The following WAPL variants were observed in gnomAD, a reference collection of about 807,000 sequenced individuals.
WAPL encodes the protein WAPL cohesin release factor.
In WAPL, 5 loss-of-function variants were observed where a neutral mutation model predicts 121.0. The ratio of observed to expected loss-of-function variants is 0.04; its 90% CI spans 0.02 to 0.09. The LOEUF (loss-of-function observed/expected upper bound fraction) is 0.09, where lower values mean the gene tolerates loss of function less well. Ranked by LOEUF, WAPL falls within the 10% of genes least tolerant of loss-of-function variation. The probability of loss-of-function intolerance (pLI) is 1.00; values close to 1 mark genes in which losing one functional copy is unlikely to be tolerated. For missense variants in WAPL, 999 were observed against 1,410.8 expected (o/e 0.71, Z 4.68); for synonymous variants, 480 against 481.5 (o/e 1.00, Z 0.04).
At chr10:86,476,739 G>A (rs1330800358) in intron 4 of WAPL, among the ~76,000 whole-genome samples, 1 of 150,832 alleles carries the variant, frequency 6.6e-6, no homozygotes, top group Non-Finnish European at 1.5e-5. Flanking sequence ...ATTATTAATT[G>A]TTATGTGATG....
chr10:86,487,390 T>C (rs1395353146), intron 4 of WAPL, among the ~76,000 whole-genome samples: 2 of 152,200 alleles, frequency 1.3e-5, no homozygotes, highest in African/African-American at 2.4e-5. Flanking sequence ...AATCCAGGTA[T>C]GTTTCAACCC....
chr10:86,472,168 A>C lies in WAPL; in HGVS notation c.2030+40T>G. The C allele has an allele frequency of 6.6e-7, 1 of 1,514,536 alleles. No homozygotes were observed. The highest frequency in any genetic ancestry group is 8.8e-7 in the Non-Finnish European group (1 of 1,138,184). 93.8% of individuals were successfully genotyped at this position (1,514,536 alleles called of 1,614,324 possible). ...ACACCTAGTTGAAAAAATTTAATAC[A>C]GCATGCACATAATTGTAAAATATAA... On this transcript the variant is annotated intron_variant, in intron 7 of 18. Coordinates refer to ENST00000298767, the MANE Select transcript of WAPL (RefSeq NM_015045.5). This position sits in a 1 kb window ranked among gnomAD's most constrained non-coding sequence, Gnocchi z 4.2.
At chr10:86,515,420 ACAGT>A (rs754383716) in intron 2 of WAPL, among the ~76,000 whole-genome samples, 125 of 152,108 alleles carry the variant, frequency 8.2e-4, no homozygotes, top group Non-Finnish European at 9.8e-4. Flanking sequence ...CTGACCTTGG[ACAGT>A]CATTTAACCT....
At chr10:86,503,644 C>A (rs144954273) in intron 2 of WAPL, among the ~76,000 whole-genome samples, 1,570 of 150,218 alleles carry the variant, frequency 0.01, 16 homozygotes, top group Non-Finnish European at 0.016. Context: ...TTCCAGCTAC[C>A]CGGGAGGCTG....
Position 86,500,349 on chromosome 10 carries a change from C to T in WAPL, c.894G>A (p.Arg298=). 1 of 1,614,158 alleles carries T rather than the reference C, an allele frequency of 6.2e-7. No homozygotes were observed. Among genetic ancestry groups the T allele is most frequent in the Non-Finnish European group, 8.5e-7 (1 of 1,180,032 alleles). The change falls in exon 3 of 19, where the codon AGG becomes AGA. Residue 298 remains arginine, a synonymous_variant. Transcript: ENST00000298767. ...CTTGGGAGGATTTCGTTTTATTGGC[C>T]CTACAGTACGTCCTACAGTTGGTTG... is the stretch of plus-strand genomic sequence containing the variant. ...LRPTNCRTYC[R]ANKTKSSQGA...
At chr10:86,476,349 A>C (rs1421621558) in intron 4 of WAPL, among the ~76,000 whole-genome samples, 1 of 151,874 alleles carries the variant, frequency 6.6e-6, no homozygotes, top group East Asian at 1.9e-4. Context: ...TGGGCGACAG[A>C]GCGAGACTCT....
chr10:86,505,826 T>A (rs1302524318), intron 2 of WAPL, among the ~76,000 whole-genome samples: 1 of 152,184 alleles, frequency 6.6e-6, no homozygotes, highest in Non-Finnish European at 1.5e-5. Flanking sequence ...TTGAAGAGCA[T>A]GTTCTTGTAT....
intron 17 of WAPL, among the ~76,000 whole-genome samples, chr10:86,438,499 G>A (rs772436775): frequency 1.2e-4 from 19 of 152,308 alleles, no homozygotes; most frequent in East Asian, 3.9e-4. Flanking sequence ...AGTAATCCAC[G>A]CACCTTGGCC....
chr10:86,451,672 C>T (rs1840983745), intron 15 of WAPL, among the ~76,000 whole-genome samples: 1 of 152,166 alleles, frequency 6.6e-6, no homozygotes, highest in Admixed American at 6.5e-5. Context: ...GGATTATAGG[C>T]GTGAGTCACT....
intron 1 of WAPL, among the ~76,000 whole-genome samples, chr10:86,518,667 T>C (rs971087712): frequency 6.6e-6 from 1 of 152,208 alleles, no homozygotes; most frequent in African/African-American, 2.4e-5. Flanking sequence ...AATGATAACC[T>C]GTATAGGGTA....
intron 12 of WAPL, among the ~76,000 whole-genome samples, chr10:86,454,120 C>T (rs1331742466): frequency 6.6e-6 from 1 of 152,148 alleles, no homozygotes; most frequent in African/African-American, 2.4e-5. Context: ...TCAAACAGGG[C>T]AAATGGTTAA....
intron 12 of WAPL, among the ~76,000 whole-genome samples, chr10:86,454,788 G>C (rs563251447): frequency 6.6e-6 from 1 of 151,836 alleles, no homozygotes; most frequent in African/African-American, 2.4e-5. Context: ...GGGAAGTGAC[G>C]AGCGTCTCTG....
intron 4 of WAPL, among the ~76,000 whole-genome samples, chr10:86,489,843 C>T (rs1464834454): frequency 3.3e-5 from 5 of 149,518 alleles, no homozygotes; most frequent in Non-Finnish European, 3.0e-5. Context: ...AATCCAGATA[C>T]TCTCACTGGC....
chr10:86,440,128 T>C (rs192299437), intron 17 of WAPL, among the ~76,000 whole-genome samples: 1 of 152,164 alleles, frequency 6.6e-6, no homozygotes, highest in East Asian at 1.9e-4. Flanking sequence ...CAAACACAAA[T>C]AGGAATTAGC....
chr10:86,458,822 C>A (rs1322807959), intron 12 of WAPL, among the ~76,000 whole-genome samples, 167 bp downstream of exon 12: 1 of 152,120 alleles, frequency 6.6e-6, no homozygotes, highest in Non-Finnish European at 1.5e-5. Flanking sequence ...ATTTTGTGTC[C>A]AAAATCTGTA....
chr10:86,453,430 G>C (rs1841049274), intron 13 of WAPL, 95 bp from the exon 14 acceptor site: 1 of 1,343,346 alleles, frequency 7.4e-7, no homozygotes, highest in Admixed American at 2.0e-5. Context: ...ACTTAGAATT[G>C]TATAGTCATT....
intron 1 of WAPL, among the ~76,000 whole-genome samples, chr10:86,520,975 A>G (rs1842664248): frequency 6.6e-6 from 1 of 151,850 alleles, no homozygotes; most frequent in African/African-American, 2.4e-5. Flanking sequence ...CTAGACACTC[A>G]ATGCAACTTT....
At chr10:86,466,261 T>C (rs762861438) in intron 9 of WAPL, among the ~76,000 whole-genome samples, 18 of 152,288 alleles carry the variant, frequency 1.2e-4, no homozygotes, top group East Asian at 1.2e-3. Flanking sequence ...CTGGGATAAA[T>C]AGATGCTTGC....
In WAPL at chr10:86,517,706, C is replaced by T. The variant is rs1383221634; in HGVS notation, c.364G>A (p.Val122Met). ...GAAACGACAGTGTCTTCAACGACCACATGACTAATTTTGCTATTAGCTTCA... is the reference window on the plus strand; with the variant it reads ...GAAACGACAGTGTCTTCAACGACCATATGACTAATTTTGCTATTAGCTTCA... ...VLEANSKISHVVVEDTVVSDK... is the reference protein window; with the variant it reads ...VLEANSKISHMVVEDTVVSDK... Residue 122 changes from valine (V) to methionine (M), a missense_variant, in exon 2 of 19, where the codon GTG becomes ATG. Val to Met is a conservative substitution (Grantham distance 21). Around this residue, in one of 7 missense-constraint regions of WAPL, gnomAD observed 531 missense variants for 563.1 expected, o/e 0.94. Coordinates refer to ENST00000298767, the MANE Select transcript of WAPL (RefSeq NM_015045.5). The T allele has an allele frequency of 6.2e-7, 1 of 1,614,058 alleles. No individual in the cohort carries two copies. Among genetic ancestry groups the T allele is most frequent in the East Asian group, 2.2e-5 (1 of 44,892 alleles).
Sources: gnomAD v4.1 joint callset for allele counts (sites outside exome capture counted in the v4.1 genomes callset) on GRCh38, gnomAD v4.1.1 for gene constraint, gnomAD v4.1.1 regional missense constraint, Gnocchi (gnomAD v3.1) non-coding constraint, MANE v1.5 for transcripts, NCBI Gene and HGNC (gene_info 2026-07-23, HGNC 2026-07-21) for gene names.